GSE1: variants seen among roughly 807,000 people sequenced by gnomAD.
GSE1 encodes Gse1 coiled-coil protein.
In GSE1, 32 loss-of-function variants were observed where a neutral mutation model predicts 112.6. That is an observed-to-expected ratio of 0.28 (90% CI 0.21 to 0.38). The LOEUF (loss-of-function observed/expected upper bound fraction) is 0.38, where lower values mean the gene tolerates loss of function less well. Among genes scored for constraint, GSE1 ranks in the 10% least tolerant of loss-of-function variants. GSE1 has a pLI of 1.00. For missense variants in GSE1, 2,348 were observed against 1,699.2 expected (o/e 1.38, Z -6.71); for synonymous variants, 1,115 against 735.6 (o/e 1.52, Z -8.35).
At chr16:85,342,293 G>A (rs1191718466) in intron 1 of GSE1, among the ~76,000 whole-genome samples, 1 of 152,170 alleles carries the variant, frequency 6.6e-6, no homozygotes, top group African/African-American at 2.4e-5. Context: ...CTATTTTTAT[G>A]TTTGTCACCC....
At chr16:85,368,021 G>A (rs749404207) in intron 2 of GSE1, among the ~76,000 whole-genome samples, 1 of 151,682 alleles carries the variant, frequency 6.6e-6, no homozygotes, top group African/African-American at 2.4e-5. Flanking sequence ...GGCTAATTGT[G>A]TTTTGTATTT....
intron 1 of GSE1, among the ~76,000 whole-genome samples, chr16:85,204,217 A>G (rs2075077595): frequency 6.6e-6 from 1 of 152,232 alleles, no homozygotes; most frequent in Non-Finnish European, 1.5e-5. Flanking sequence ...AAATGGAATC[A>G]TAACATGTGA....
intron 1 of GSE1, among the ~76,000 whole-genome samples, chr16:85,630,176 C>T (rs1037424032): frequency 6.6e-6 from 1 of 152,190 alleles, no homozygotes; most frequent in Non-Finnish European, 1.5e-5. Flanking sequence ...TGACCCCCCT[C>T]CACTGGAGTG....
At chr16:85,326,497 C>T (rs547945299) in intron 1 of GSE1, among the ~76,000 whole-genome samples, 3 of 152,182 alleles carry the variant, frequency 2.0e-5, no homozygotes, top group Non-Finnish European at 2.9e-5. Context: ...ATCTTGGGGG[C>T]GTTTCCCCTA....
chr16:85,525,091 C>T (rs945203062), intron 2 of GSE1, among the ~76,000 whole-genome samples: 5 of 152,200 alleles, frequency 3.3e-5, no homozygotes, highest in African/African-American at 4.8e-5. Flanking sequence ...TCTGCTGGCC[C>T]GGGGGGTTTC....
intron 11 of GSE1, 81 bp downstream of exon 11, chr16:85,663,695 C>G: frequency 7.2e-7 from 1 of 1,388,134 alleles, no homozygotes; most frequent in South Asian, 1.3e-5. Context: ...GGCCGGTGGA[C>G]TCCAGGCAGG....
intron 1 of GSE1, among the ~76,000 whole-genome samples, chr16:85,252,717 C>T (rs1474058285): frequency 6.6e-6 from 1 of 152,230 alleles, no homozygotes; most frequent in Admixed American, 6.5e-5. Context: ...AACCCTTGAG[C>T]CTCCAACATC....
intron 1 of GSE1, among the ~76,000 whole-genome samples, chr16:85,261,356 A>C (rs1175923124): frequency 6.6e-6 from 1 of 152,234 alleles, no homozygotes; most frequent in African/African-American, 2.4e-5. Flanking sequence ...TTCCATCTGT[A>C]CAGTGAGCAG....
chr16:85,490,527 T>C (rs2050976315), intron 2 of GSE1: 1 of 152,240 alleles, frequency 6.6e-6, no homozygotes, highest in South Asian at 2.1e-4. Flanking sequence ...GTCACCATGG[T>C]CCGCCTGCCT....
chr16:85,341,382 G>A (rs1413056252), intron 1 of GSE1, among the ~76,000 whole-genome samples: 6 of 152,194 alleles, frequency 3.9e-5, no homozygotes, highest in East Asian at 1.9e-4. Flanking sequence ...TAGAGGCCAG[G>A]CGTAGTGGCT....
chr16:85,410,392 A>AG (rs766980887), intron 2 of GSE1, among the ~76,000 whole-genome samples: 310 of 26,374 alleles, frequency 0.012, 54 homozygotes, highest in Non-Finnish European at 0.017. Context: ...TTTTACACTC[A>AG]GGCCCCCCTG....
At chr16:85,236,510 C>A (rs925710966) in intron 1 of GSE1, among the ~76,000 whole-genome samples, 3 of 152,182 alleles carry the variant, frequency 2.0e-5, no homozygotes, top group Admixed American at 6.5e-5. Flanking sequence ...GGGAGAACGG[C>A]CTGTGCATAG....
At chr16:85,601,212 C>G (rs373946780) in intron 1 of GSE1, among the ~76,000 whole-genome samples, 1 of 151,526 alleles carries the variant, frequency 6.6e-6, no homozygotes, top group Non-Finnish European at 1.5e-5. Flanking sequence ...GTCGTGAGGG[C>G]CAGGAGGGAG....
At chr16:85,395,017 C>A (rs1240814355) in intron 2 of GSE1, among the ~76,000 whole-genome samples, 1 of 152,008 alleles carries the variant, frequency 6.6e-6, no homozygotes, top group African/African-American at 2.4e-5. Flanking sequence ...AGGAATTAGG[C>A]CTGTAGAGGG....
chr16:85,591,298 C>A (rs1164338320), intron 1 of GSE1, among the ~76,000 whole-genome samples: 1 of 152,196 alleles, frequency 6.6e-6, no homozygotes, highest in African/African-American at 2.4e-5. Flanking sequence ...TTGTTTAACT[C>A]TAGTTTCCCC....
chr16:85,516,800 T>TC (rs1265150340), intron 2 of GSE1, among the ~76,000 whole-genome samples: 2 of 146,176 alleles, frequency 1.4e-5, no homozygotes, highest in Admixed American at 6.8e-5. Context: ...TCTTGGTTCT[T>TC]TTTTTTTTTT....
At chr16:85,602,726 T>G (rs368983172) in intron 1 of GSE1, among the ~76,000 whole-genome samples, 1 of 152,212 alleles carries the variant, frequency 6.6e-6, no homozygotes, top group East Asian at 1.9e-4. Context: ...TTGATCTTTA[T>G]GAAGGAAGAC....
At chr16:85,384,628 G>A (rs558302867) in intron 2 of GSE1, among the ~76,000 whole-genome samples, 142 of 152,308 alleles carry the variant, frequency 9.3e-4, no homozygotes, top group Non-Finnish European at 1.6e-3. Flanking sequence ...CTGTGCAGGC[G>A]GTGGCTCAGC....
chr16:85,474,018 A>G (rs2050376118), intron 2 of GSE1, among the ~76,000 whole-genome samples: 2 of 152,140 alleles, frequency 1.3e-5, no homozygotes, highest in African/African-American at 2.4e-5. Flanking sequence ...ACAGGCGGGC[A>G]GGGTGTGACA....
Sources: gnomAD v4.1 joint callset for allele counts (sites outside exome capture counted in the v4.1 genomes callset) on GRCh38, gnomAD v4.1.1 for gene constraint, MANE v1.5 for transcripts, NCBI Gene and HGNC (gene_info 2026-07-23, HGNC 2026-07-21) for gene names.